The following ZDHHC19 variants were observed in gnomAD, a reference collection of about 807,000 sequenced individuals.
ZDHHC19 encodes the protein zDHHC palmitoyltransferase 19, also known as palmitoyltransferase ZDHHC19.
ZDHHC19 carries 30 observed loss-of-function variants against 33.9 expected under a neutral mutation model. The observed-to-expected ratio is 0.88, with a 90% CI of 0.66 to 1.20. ZDHHC19 has a LOEUF of 1.20. ZDHHC19 is among the 50% of genes most tolerant of loss of function. The pLI, the probability that ZDHHC19 is intolerant of heterozygous loss-of-function variation, is 0.00. For missense variants in ZDHHC19, 364 were observed against 401.1 expected, an observed-to-expected ratio of 0.91 and a Z score of 0.79; for synonymous variants, 178 against 167.6, an observed-to-expected ratio of 1.06 and a Z score of -0.48.
At chr3:196,200,517 G>C (rs904015770) in intron 5 of ZDHHC19, among the ~76,000 whole-genome samples, 5 of 150,024 alleles carry the variant, frequency 3.3e-5, no homozygotes, top group Non-Finnish European at 4.4e-5. Flanking sequence ...ACCACGCCCA[G>C]CTAATTTTTT....
Position 196,210,706 on chromosome 3 carries a change from C to T in ZDHHC19, c.178G>A (p.Ala60Thr), listed in dbSNP as rs1723227150. 1 of 1,613,920 alleles carries T rather than the reference C, an allele frequency of 6.2e-7. No individual in the cohort carries two copies. The highest frequency in any genetic ancestry group is 8.5e-7 in the Non-Finnish European group (1 of 1,179,940). The stretch of plus-strand genomic sequence containing the variant: ...AGGGAGCCTGTGATAACAGGAAAGG[C>T]CCACTCCCCGTTCTGAGCCAGCCAC... ...CRWLAQNGEW[A>T]FPVITGSLFV... Residue 60 changes from alanine to threonine, a missense_variant, in exon 2 of 8, where the codon GCC becomes ACC. Ala to Thr is a moderately conservative substitution (Grantham distance 58). Coordinates refer to ENST00000296326, the MANE Select transcript of ZDHHC19 (RefSeq NM_001039617.2).
chr3:196,198,706 GGGCTGT>G, intron 6 of ZDHHC19, 77 bp downstream of exon 6: 1 of 1,606,834 alleles, frequency 6.2e-7, no homozygotes, highest in Non-Finnish European at 8.5e-7. Flanking sequence ...TAAGGGCCTG[GGGCTGT>G]GGTAAGGAGC....
intron 4 of ZDHHC19, 84 bp from the exon 5 acceptor site, chr3:196,207,587 GC>G (rs1189474172): frequency 8.8e-6 from 4 of 452,978 alleles, no homozygotes; most frequent in South Asian, 3.7e-5. Flanking sequence ...GCCCCGCCCC[GC>G]CCCCGGACGC....
At chr3:196,200,590 G>C (rs1015989106) in intron 5 of ZDHHC19, among the ~76,000 whole-genome samples, 2 of 149,614 alleles carry the variant, frequency 1.3e-5, no homozygotes, top group South Asian at 4.2e-4. Flanking sequence ...TCCTGACCTC[G>C]TGATCCGCCC....
chr3:196,211,170 G>A lies in ZDHHC19; in HGVS notation c.146C>T (p.Pro49Leu), dbSNP rs200886120. ...VFFSGLFFAF[P>L]CRWLAQNGEW... ...CTAACGGCTTGCCTGGAAAACTCAC[G>A]GGAATGCGAAGAAGAGGCCACTGAA... is the stretch of plus-strand genomic sequence containing the variant. The change falls in exon 1 of 8, where the codon CCT becomes CTT. Residue 49 changes from proline (P) to leucine (L), a missense_variant and splice_region_variant. Physicochemically the swap from Pro to Leu is moderately conservative, Grantham distance 98 (BLOSUM62 -3). Coordinates refer to ENST00000296326, the MANE Select transcript of ZDHHC19 (RefSeq NM_001039617.2). 13 of 1,614,110 alleles carry A rather than the reference G, an allele frequency of 8.1e-6. No individual in the cohort carries two copies. The highest frequency in any genetic ancestry group is 4.0e-5 in the African/African-American group (3 of 75,022).
Position 196,198,882 on chromosome 3 carries a change from G to A in ZDHHC19, c.688-8C>T, listed in dbSNP as rs781448868. The A allele has an allele frequency of 3.0e-5, 49 of 1,613,366 alleles. No individual in the cohort carries two copies. The highest frequency in any genetic ancestry group is 3.9e-5 in the Non-Finnish European group (46 of 1,179,626). The stretch of plus-strand genomic sequence containing the variant: ...TCCCTGAAGGTGTCTGCACTGGTCG[G>A]GGATGGAAACCGGAAGAGGAGCTCA... On this transcript the variant is annotated splice_polypyrimidine_tract_variant and splice_region_variant and intron_variant, in intron 5 of 7. Transcript: ENST00000296326.
chr3:196,211,287 A>G lies in ZDHHC19; in HGVS notation c.29T>C (p.Leu10Pro). ...AGGCAGGGGATGGGGCTCCTTCACC[A>G]GCGGCGTGGCATCCGTTAAGAGTGT... MTLLTDATPLVKEPHPLPLV... is the reference protein window; with the variant it reads MTLLTDATPPVKEPHPLPLV... Residue 10 changes from leucine to proline, a missense_variant, in exon 1 of 8, where the codon CTG (leucine) becomes CCG (proline). Coordinates refer to ENST00000296326, the MANE Select transcript of ZDHHC19 (RefSeq NM_001039617.2). 6.2e-7 allele frequency: 1 copy of G among 1,613,928 alleles called. No individual in the cohort carries two copies. Among genetic ancestry groups the G allele is most frequent in the Non-Finnish European group, 8.5e-7 (1 of 1,179,872 alleles).
At chr3:196,209,905 G>T (rs1012996873) in intron 2 of ZDHHC19, among the ~76,000 whole-genome samples, 1 of 152,150 alleles carries the variant, frequency 6.6e-6, no homozygotes, top group Non-Finnish European at 1.5e-5. Context: ...TAAGAAACGG[G>T]GTAGGGCCGG....
At chr3:196,210,585 ACCT>A (rs754324717) in intron 2 of ZDHHC19, 28 bp downstream of exon 2, 4 of 1,613,518 alleles carry the variant, frequency 2.5e-6, no homozygotes, top group Non-Finnish European at 3.4e-6. Flanking sequence ...CTTGAGTGAC[ACCT>A]CCTTTTCCCA....
In ZDHHC19 at chr3:196,198,844, C is replaced by T. The variant is rs752331988; in HGVS notation, c.718G>A (p.Asp240Asn). 6.8e-6 allele frequency: 11 copies of T among 1,613,896 alleles called. No homozygotes were observed. The highest frequency in any genetic ancestry group is 3.3e-5 in the South Asian group (3 of 91,012). Residue 240 changes from aspartate (D) to asparagine (N), a missense_variant, in exon 6 of 8, where the codon GAC (aspartate) becomes AAC (asparagine). Asp to Asn is a conservative substitution (Grantham distance 23). Transcript: ENST00000296326. ...TACCAGTTGCTGGCACAGCCCTGGT[C>T]GAAGGGGTTGTATCCCTGAAGGTGT... ...CRHLQGYNPF[D>N]QGCASNWYLT...
rs1723045295 is a variant in ZDHHC19, at chr3:196,209,518, GGC to G, written c.269-5_269-4del. On this transcript the variant is annotated splice_polypyrimidine_tract_variant and splice_region_variant and intron_variant, in intron 2 of 7. Transcript: ENST00000296326. ...CAAGGGGCCCTGCTCAGCGGAGCCT[GGC>G]GTGGGAAGAGGATTGGGCACAGCAG... The G allele has an allele frequency of 6.2e-7, 1 of 1,612,302 alleles. No homozygotes were observed. Among genetic ancestry groups the G allele is most frequent in the Admixed American group, 1.7e-5 (1 of 59,856 alleles).
At chr3:196,198,950 T>G (rs944145588) in intron 5 of ZDHHC19, 76 bp from the exon 6 acceptor site, 39 of 1,482,892 alleles carry the variant, frequency 2.6e-5, no homozygotes, top group Non-Finnish European at 3.5e-5. Context: ...TGGCCCTCCC[T>G]GAGCTGGTCA....
At position 196,211,210 on chromosome 3, in the gene ZDHHC19, C is replaced by A; in HGVS notation, c.106G>T (p.Val36Leu). 1 of 1,614,182 alleles carries A rather than the reference C, an allele frequency of 6.2e-7. No individual in the cohort carries two copies. The change falls in exon 1 of 8, where the codon GTG becomes TTG. Residue 36 changes from valine (V) to leucine (L), a missense_variant. Physicochemically the swap from Val to Leu is conservative, Grantham distance 32 (BLOSUM62 1). Transcript: ENST00000296326. ...LPSLFAAFNV[V>L]LLVFFSGLFF... ...AGGCCACTGAAAAAGACCAGCAGCA[C>A]CACATTGAAGGCAGCAAAGAGGCTA...
At position 196,211,205 on chromosome 3, in the gene ZDHHC19, C is replaced by A. The variant is rs781538627; in HGVS notation, c.111G>T (p.Leu37=). 8.7e-6 allele frequency: 14 copies of A among 1,614,224 alleles called. No individual in the cohort carries two copies. Among genetic ancestry groups the A allele is most frequent in the Non-Finnish European group, 1.2e-5 (14 of 1,180,042 alleles). Residue 37 remains leucine (L), a synonymous_variant, in exon 1 of 8, where the codon CTG becomes CTT. Coordinates refer to ENST00000296326, the MANE Select transcript of ZDHHC19 (RefSeq NM_001039617.2). ...PSLFAAFNVV[L]LVFFSGLFFA... The stretch of plus-strand genomic sequence containing the variant: ...AGAAGAGGCCACTGAAAAAGACCAG[C>A]AGCACCACATTGAAGGCAGCAAAGA...
At position 196,203,187 on chromosome 3, in the gene ZDHHC19, G is replaced by A. The variant is rs1202881962; in HGVS notation, c.687+4211C>T. On this transcript the variant is annotated intron_variant, in intron 5 of 7. Coordinates refer to ENST00000296326, the MANE Select transcript of ZDHHC19 (RefSeq NM_001039617.2). This position sits in a 1 kb window ranked among gnomAD's most constrained non-coding sequence, Gnocchi z 4.3. ...GAGGCAGGAGAATCGCTTGAACCCA[G>A]GAGGCCAAGATCACACCACTGCACT... 6.6e-6 allele frequency among the ~76,000 whole-genome samples: 1 copy of A among 151,850 alleles called. No homozygotes were observed. The highest frequency in any genetic ancestry group is 6.6e-5 in the Admixed American group (1 of 15,242).
At chr3:196,206,349 G>A (rs1384670149) in intron 5 of ZDHHC19, among the ~76,000 whole-genome samples, 1 of 151,746 alleles carries the variant, frequency 6.6e-6, no homozygotes, top group Non-Finnish European at 1.5e-5. Context: ...ACTGCACCCA[G>A]CCTGGGCATT....
chr3:196,199,900 ATG>A (rs1273652622), intron 5 of ZDHHC19, among the ~76,000 whole-genome samples: 6 of 151,918 alleles, frequency 3.9e-5, no homozygotes, highest in African/African-American at 1.5e-4. Context: ...AGCCGAGATC[ATG>A]CCACTGCACT....
At chr3:196,200,456 G>A (rs765266836) in intron 5 of ZDHHC19, among the ~76,000 whole-genome samples, 11 of 148,042 alleles carry the variant, frequency 7.4e-5, no homozygotes, top group South Asian at 2.1e-4. Flanking sequence ...CCAGGTTCAC[G>A]CCATTCTCCT....
At chr3:196,200,400 G>C (rs1370691063) in intron 5 of ZDHHC19, among the ~76,000 whole-genome samples, 1 of 145,568 alleles carries the variant, frequency 6.9e-6, no homozygotes, top group African/African-American at 2.6e-5. Context: ...TGTCACCCAG[G>C]CTGGAGTGCA....
Sources: gnomAD v4.1 joint callset for allele counts (sites outside exome capture counted in the v4.1 genomes callset) on GRCh38, gnomAD v4.1.1 for gene constraint, Gnocchi (gnomAD v3.1) non-coding constraint, MANE v1.5 for transcripts, NCBI Gene and HGNC (gene_info 2026-07-23, HGNC 2026-07-21) for gene names.